The following C17orf113 variants were observed in gnomAD, a reference collection of about 807,000 sequenced individuals.
The protein encoded by C17orf113 is uncharacterized protein C17orf113.
A neutral mutation model predicts 11.6 loss-of-function variants in C17orf113; 5 were observed. That is an observed-to-expected ratio of 0.43 (90% CI 0.23 to 0.91). The LOEUF is 0.91. Among genes scored for constraint, C17orf113 ranks in the 40% least tolerant of loss-of-function variants. C17orf113 has a pLI of 0.26. For synonymous variants in C17orf113, 327 were observed against 390.6 expected, an observed-to-expected ratio of 0.84 and a Z score of 1.92; for missense variants, 714 against 841.3, an observed-to-expected ratio of 0.85 and a Z score of 1.87.
chr17:42,041,026 AAG>A lies in C17orf113; in HGVS notation c.705_706del (p.Phe236ProfsTer40), dbSNP rs1454876423. On this transcript the variant is annotated frameshift_variant, in exon 3 of 3. Transcript: ENST00000587304. LOFTEE classifies it low-confidence loss of function (END_TRUNC). ...CTCCTGTAGCTCCACACTGCCCAGGAAGGTGGTGGCGGGCTGGCCATCACAGG... is the reference window on the plus strand; with the variant it reads ...CTCCTGTAGCTCCACACTGCCCAGGAGTGGTGGCGGGCTGGCCATCACAGG... The A allele has an allele frequency of 5.7e-6, 7 of 1,232,334 alleles. No homozygotes were observed. Among genetic ancestry groups the A allele is most frequent in the Admixed American group, 4.2e-5 (1 of 23,724 alleles). The allele number at this position is 1,232,334 out of a possible 1,614,324, so 76.3% of individuals were successfully genotyped here.
rs1395678954 is a variant in C17orf113, at chr17:42,039,591, C to G, written c.*114G>C. 9.8e-7 allele frequency: 1 copy of G among 1,018,786 alleles called. No homozygotes were observed. Among genetic ancestry groups the G allele is most frequent in the African/African-American group, 1.7e-5 (1 of 60,314 alleles). 63.1% of individuals were successfully genotyped at this position (1,018,786 alleles called of 1,614,324 possible). ...AGAAGGGCGGGTGGATGGCCTCAGG[C>G]CCCTGGGAGGCTGCAGTCAGCAGAT... On this transcript the variant is annotated 3_prime_UTR_variant, in exon 3 of 3. Transcript: ENST00000587304.
In C17orf113 at chr17:42,040,164, G is replaced by C. The variant is rs78101836; in HGVS notation, c.1569C>G (p.Pro523=). 552 of 1,231,584 alleles carry C rather than the reference G, an allele frequency of 4.5e-4. 4 individuals carry two copies. The East Asian group carries it at 0.016, about 36-fold the overall frequency. The allele number at this position is 1,231,584 out of a possible 1,614,324, so 76.3% of individuals were successfully genotyped here. Residue 523 remains proline, a synonymous_variant, in exon 3 of 3, where the codon CCC becomes CCG. Coordinates refer to ENST00000587304, the MANE Select transcript of C17orf113 (RefSeq NM_001358661.2). The part of the protein sequence containing the change: ...AVAAFAAIFD[P]RRYPQAPEEL... Reference sequence around the variant, plus strand: ...CCTCCGGCGCCTGCGGGTAGCGTCGGGGGTCGAAGATCGCTGCGAAGGCGG... The same window carrying C: ...CCTCCGGCGCCTGCGGGTAGCGTCGCGGGTCGAAGATCGCTGCGAAGGCGG...
rs1032369413 is a variant in C17orf113 at position 42,041,111 on chromosome 17, C to T, written c.622G>A (p.Glu208Lys). 5 of 1,232,148 alleles carry T rather than the reference C, an allele frequency of 4.1e-6. No individual in the cohort carries two copies. Among genetic ancestry groups the T allele is most frequent in the South Asian group, 4.1e-5 (1 of 24,320 alleles). The allele number at this position is 1,232,148 out of a possible 1,614,324, so 76.3% of individuals were successfully genotyped here. ...ASPYVGLVLD[E>K]TRDWPESHSL... ...TGTGACTCCGGCCAGTCTCTGGTCT[C>T]GTCCAACACCAGCCCCACATATGGG... Residue 208 changes from glutamate to lysine, a missense_variant, in exon 3 of 3, where the codon GAG becomes AAG. By Grantham distance (56) the Glu-to-Lys change is moderately conservative. Around this residue, in one of 3 missense-constraint regions of C17orf113, gnomAD observed 516 missense variants for 626.6 expected, o/e 0.82. Transcript: ENST00000587304.
chr17:42,041,925 C>T (rs2053032470), intron 2 of C17orf113, among the ~76,000 whole-genome samples: 1 of 152,212 alleles, frequency 6.6e-6, no homozygotes, highest in Non-Finnish European at 1.5e-5. Context: ...CCAGCACATC[C>T]TGCTCTGAGA....
At position 42,039,438 on chromosome 17, in the gene C17orf113, C is replaced by G. The variant is rs777404674; in HGVS notation, c.*267G>C. On this transcript the variant is annotated 3_prime_UTR_variant, in exon 3 of 3. Transcript: ENST00000587304. ...AAAGGGTGAGCTACTCCTCATCTAA[C>G]TGTGTAAAGGCCAGGAATGATTTAG... is the stretch of plus-strand genomic sequence containing the variant. 4.0e-5 allele frequency: 14 copies of G among 353,550 alleles called. No individual in the cohort carries two copies. Among genetic ancestry groups the G allele is most frequent in the Non-Finnish European group, 6.6e-5 (13 of 197,982 alleles). 21.9% of individuals were successfully genotyped at this position (353,550 alleles called of 1,614,324 possible).
Position 42,038,841 on chromosome 17 carries a change from C to G in C17orf113, c.*864G>C, listed in dbSNP as rs2052930379. 1 of 152,228 alleles carries G rather than the reference C, an allele frequency of 6.6e-6. No individual in the cohort carries two copies. The highest frequency in any genetic ancestry group is 2.4e-5 in the African/African-American group (1 of 41,432). 9.4% of individuals were successfully genotyped at this position (152,228 alleles called of 1,614,324 possible). On this transcript the variant is annotated 3_prime_UTR_variant, in exon 3 of 3. Coordinates refer to ENST00000587304, the MANE Select transcript of C17orf113 (RefSeq NM_001358661.2). ...CACTATCTCTCTGGAACCATTGGCCCTTGAACCACCAGCTTGTGTACAGAG... is the reference window on the plus strand; with the variant it reads ...CACTATCTCTCTGGAACCATTGGCCGTTGAACCACCAGCTTGTGTACAGAG...
chr17:42,043,236 C>T lies in C17orf113; in HGVS notation c.141G>A (p.Glu47=). ...DYERKLMFCL[E]CRQALVRNKH... Reference sequence around the variant, plus strand: ...TGTTCCGTACCAGGGCCTGGCGGCACTCGAGGCAGAACATCAGCTTCCGCT... The same window carrying T: ...TGTTCCGTACCAGGGCCTGGCGGCATTCGAGGCAGAACATCAGCTTCCGCT... Residue 47 remains glutamate, a synonymous_variant, in exon 2 of 3, where the codon GAG becomes GAA. Coordinates refer to ENST00000587304, the MANE Select transcript of C17orf113 (RefSeq NM_001358661.2). The T allele has an allele frequency of 8.1e-7, 1 of 1,232,256 alleles. No homozygotes were observed. The highest frequency in any genetic ancestry group is 1.0e-6 in the Non-Finnish European group (1 of 988,012). 76.3% of individuals were successfully genotyped at this position (1,232,256 alleles called of 1,614,324 possible).
intron 1 of C17orf113, among the ~76,000 whole-genome samples, chr17:42,044,616 C>CA (rs1200170680): frequency 1.4e-3 from 160 of 118,300 alleles, no homozygotes; most frequent in Middle Eastern, 9.4e-3. Flanking sequence ...AACTCTGTCT[C>CA]AAAAAAAAAA....
Position 42,043,439 on chromosome 17 carries a change from CCA to C in C17orf113, c.-65_-64del. On this transcript the variant is annotated 5_prime_UTR_variant, in exon 2 of 3. Coordinates refer to ENST00000587304, the MANE Select transcript of C17orf113 (RefSeq NM_001358661.2). Reference sequence around the variant, plus strand: ...GAATGCTCTTGCCCCCCTGCCTCCCCCACACACAGGCACCTCCCTTGACAAGG... The same window carrying C: ...GAATGCTCTTGCCCCCCTGCCTCCCCCACACAGGCACCTCCCTTGACAAGG... 8.2e-6 allele frequency: 10 copies of C among 1,213,962 alleles called. No homozygotes were observed. The highest frequency in any genetic ancestry group is 1.0e-5 in the Non-Finnish European group (10 of 972,120). 75.2% of individuals were successfully genotyped at this position (1,213,962 alleles called of 1,614,324 possible).
At chr17:42,042,690 C>T (rs1555656248) in intron 2 of C17orf113, 144 bp downstream of exon 2, 1 of 562,588 alleles carries the variant, frequency 1.8e-6, no homozygotes, top group Admixed American at 4.4e-5. Flanking sequence ...GGGACATAGG[C>T]TCTCAGGGAA....
chr17:42,040,524 C>T lies in C17orf113; in HGVS notation c.1209G>A (p.Leu403=). ...RQFTFVAFTH[L]LLDALPSVQK... ...GCACAGAGGGCAGGGCATCCAGCAGCAGGTGGGTGAAGGCCACGAAGGTGA... is the reference window on the plus strand; with the variant it reads ...GCACAGAGGGCAGGGCATCCAGCAGTAGGTGGGTGAAGGCCACGAAGGTGA... The change falls in exon 3 of 3, where the codon CTG becomes CTA. Residue 403 remains leucine (L), a synonymous_variant. Coordinates refer to ENST00000587304, the MANE Select transcript of C17orf113 (RefSeq NM_001358661.2). 7 of 1,232,820 alleles carry T rather than the reference C, an allele frequency of 5.7e-6. No homozygotes were observed. In the South Asian group the frequency reaches 2.5e-4, roughly 43 times the overall value. The allele number at this position is 1,232,820 out of a possible 1,614,324, so 76.4% of individuals were successfully genotyped here. A position where few individuals can be genotyped will look rare whatever the true frequency, so the allele number is the denominator to read the frequency against.
chr17:42,039,924 C>A lies in C17orf113; in HGVS notation c.1809G>T (p.Leu603Phe). Reference protein sequence around the residue: ...LFPDFAALAALALALPAGAGL... With the variant: ...LFPDFAALAAFALALPAGAGL... ...CAGCGCCCGCGGGCAGCGCCAAAGC[C>A]AAGGCGGCTAGGGCGGCGAAGTCGG... is the stretch of plus-strand genomic sequence containing the variant. The change falls in exon 3 of 3, where the codon TTG becomes TTT. Residue 603 changes from leucine to phenylalanine, a missense_variant. Physicochemically the swap from Leu to Phe is conservative, Grantham distance 22. Transcript: ENST00000587304. 8.1e-7 allele frequency: 1 copy of A among 1,231,286 alleles called. No individual in the cohort carries two copies. Among genetic ancestry groups the A allele is most frequent in the African/African-American group, 1.5e-5 (1 of 64,518 alleles). 76.3% of individuals were successfully genotyped at this position (1,231,286 alleles called of 1,614,324 possible).
chr17:42,039,536 A>C lies in C17orf113; in HGVS notation c.*169T>G. On this transcript the variant is annotated 3_prime_UTR_variant, in exon 3 of 3. Coordinates refer to ENST00000587304, the MANE Select transcript of C17orf113 (RefSeq NM_001358661.2). ...GAGCCAGTCCCTTCCTCCACAGCCC[A>C]CAGGGTGGGGGGGGTTGGTGGGAAG... The C allele has an allele frequency of 6.7e-5, 23 of 343,058 alleles. No individual in the cohort carries two copies. Among genetic ancestry groups the C allele is most frequent in the Admixed American group, 2.8e-4 (2 of 7,142 alleles). 21.3% of individuals were successfully genotyped at this position (343,058 alleles called of 1,614,324 possible). A position where few individuals can be genotyped will look rare whatever the true frequency, so the allele number is the denominator to read the frequency against.
At chr17:42,044,339 G>A (rs1335385245) in intron 1 of C17orf113, among the ~76,000 whole-genome samples, 2 of 149,320 alleles carry the variant, frequency 1.3e-5, no homozygotes, top group Non-Finnish European at 3.0e-5. Flanking sequence ...AAAGACGGCC[G>A]GGTGGGGTGG....
At position 42,040,769 on chromosome 17, in the gene C17orf113, G is replaced by T. The variant is rs1397596736; in HGVS notation, c.964C>A (p.Arg322Ser). The T allele has an allele frequency of 2.4e-6, 3 of 1,232,346 alleles. No homozygotes were observed. The highest frequency in any genetic ancestry group is 3.0e-6 in the Non-Finnish European group (3 of 988,092). The allele number at this position is 1,232,346 out of a possible 1,614,324, so 76.3% of individuals were successfully genotyped here. A position where few individuals can be genotyped will look rare whatever the true frequency, so the allele number is the denominator to read the frequency against. Residue 322 changes from arginine (R) to serine (S), a missense_variant, in exon 3 of 3, where the codon CGC (arginine) becomes AGC (serine). Coordinates refer to ENST00000587304, the MANE Select transcript of C17orf113 (RefSeq NM_001358661.2). ...QYESILDALF[R>S]LHGGPSSHLV... ...TGGGAACTAGGGCCACCATGGAGGC[G>T]GAATAGGGCATCCAATATGCTCTCA...
intron 1 of C17orf113, among the ~76,000 whole-genome samples, chr17:42,044,541 G>A (rs1249780094): frequency 6.6e-6 from 1 of 151,928 alleles, no homozygotes. Flanking sequence ...GCTTGAACCC[G>A]GGAGGCGGAG....
Position 42,040,763 on chromosome 17 carries a change from G to A in C17orf113, c.970C>T (p.His324Tyr). Residue 324 changes from histidine (H) to tyrosine (Y), a missense_variant, in exon 3 of 3, where the codon CAT (histidine) becomes TAT (tyrosine). By Grantham distance (83) the His-to-Tyr change is moderately conservative. Transcript: ENST00000587304. ...ESILDALFRL[H>Y]GGPSSHLVPE... ...ACCAAGTGGGAACTAGGGCCACCATGGAGGCGGAATAGGGCATCCAATATG... is the reference window on the plus strand; with the variant it reads ...ACCAAGTGGGAACTAGGGCCACCATAGAGGCGGAATAGGGCATCCAATATG... The A allele has an allele frequency of 8.1e-7, 1 of 1,232,398 alleles. No individual in the cohort carries two copies. The highest frequency in any genetic ancestry group is 1.0e-6 in the Non-Finnish European group (1 of 988,118). 76.3% of individuals were successfully genotyped at this position (1,232,398 alleles called of 1,614,324 possible).
intron 1 of C17orf113, among the ~76,000 whole-genome samples, chr17:42,048,070 T>C (rs574979000): frequency 6.6e-6 from 1 of 152,224 alleles, no homozygotes; most frequent in South Asian, 2.1e-4. Flanking sequence ...CATCACTCCT[T>C]GGCCTCTGGA....
In C17orf113 at chr17:42,040,652, C is replaced by T; in HGVS notation, c.1081G>A (p.Val361Met). 1 of 1,232,306 alleles carries T rather than the reference C, an allele frequency of 8.1e-7. No homozygotes were observed. The highest frequency in any genetic ancestry group is 1.0e-6 in the Non-Finnish European group (1 of 988,088). The allele number at this position is 1,232,306 out of a possible 1,614,324, so 76.3% of individuals were successfully genotyped here. ...PVPWASLLPV[V>M]EAVAEAWPGL... ...GGCCAGGCCTCGGCCACTGCTTCCA[C>T]TACAGGCAGCAGGGAGGCCCAGGGC... Residue 361 changes from valine to methionine, a missense_variant, in exon 3 of 3, where the codon GTG becomes ATG. By Grantham distance (21) the Val-to-Met change is conservative (BLOSUM62 1). Transcript: ENST00000587304.
Sources: allele counts gnomAD v4.1 joint callset (sites outside exome capture counted in the v4.1 genomes callset), GRCh38; gene constraint gnomAD v4.1.1; regional missense constraint gnomAD v4.1.1; transcripts MANE v1.5; gene names NCBI Gene and HGNC (gene_info 2026-07-23, HGNC 2026-07-21).